Variants in TMEM135 observed in about 807,000 individuals in gnomAD.
TMEM135 encodes the protein peroxisomal membrane protein 52.
Under a neutral mutation model 60.3 loss-of-function variants are expected in TMEM135, and 30 were observed. The ratio of observed to expected loss-of-function variants is 0.50; its 90% confidence interval spans 0.37 to 0.68. The LOEUF is 0.68. TMEM135 is among the 30% of genes least tolerant of loss of function. The pLI is 0.00. For synonymous variants in TMEM135, 190 were observed against 186.7 expected, an observed-to-expected ratio of 1.02 and a Z score of -0.14; for missense variants, 468 against 548.8, an observed-to-expected ratio of 0.85 and a Z score of 1.47.
intron 5 of TMEM135, among the ~76,000 whole-genome samples, chr11:87,184,962 A>T (rs1440415724): frequency 6.6e-6 from 1 of 152,148 alleles, no homozygotes; most frequent in Non-Finnish European, 1.5e-5. Context: ...ATTTTAGAAA[A>T]TTTTAAACTT....
Position 87,067,703 on chromosome 11 carries a change from A to G in TMEM135, c.151A>G (p.Ile51Val), listed in dbSNP as rs1427235519. The G allele has an allele frequency of 1.2e-6, 2 of 1,613,738 alleles. No individual in the cohort carries two copies. The highest frequency in any genetic ancestry group is 2.2e-5 in the South Asian group (2 of 91,074). The change falls in exon 2 of 15, where the codon ATT becomes GTT. Residue 51 changes from isoleucine to valine, a missense_variant. By Grantham distance (29) the Ile-to-Val change is conservative. Coordinates refer to ENST00000305494, the MANE Select transcript of TMEM135 (RefSeq NM_022918.4). ...IYAPLYLIAA[I>V]LRKRKLDYYL... ...TCCTTTCTCTTTCCAGATTGCAGCA[A>G]TTCTCCGGAAACGGAAATTAGACTA...
chr11:87,203,032 CAAAAAAAAAAAAAAA>C (rs534909524), intron 5 of TMEM135, among the ~76,000 whole-genome samples: 1 of 33,568 alleles, frequency 3.0e-5, no homozygotes, highest in Non-Finnish European at 6.2e-5. Context: ...GACTCCGTCT[CAAAAAAAAAAAAAAA>C]AAAAAAAAAA....
At chr11:87,069,338 T>TA (rs1856731633) in intron 2 of TMEM135, among the ~76,000 whole-genome samples, 2 of 151,098 alleles carry the variant, frequency 1.3e-5, no homozygotes, top group Non-Finnish European at 3.0e-5. Context: ...ATTAGGTTTT[T>TA]AAAAAAATTG....
In TMEM135 at chr11:87,299,450, C is replaced by CA. The variant is rs1355628981; in HGVS notation, c.552-2845dup. On this transcript the variant is annotated intron_variant, in intron 7 of 14. Transcript: ENST00000305494. ...ACTGACCCCATGATCCAATCACCCC[C>CA]ACCAGGTCCCTCCCTCAACATGTGA... Among the ~76,000 whole-genome samples, 7 of 152,302 alleles carry CA rather than the reference C, an allele frequency of 4.6e-5. No individual in the cohort carries two copies. The South Asian group carries it at 8.3e-4, about 18-fold the overall frequency.
intron 1 of TMEM135, among the ~76,000 whole-genome samples, chr11:87,042,716 A>G (rs574207336): frequency 6.6e-6 from 1 of 152,248 alleles, no homozygotes; most frequent in African/African-American, 2.4e-5. Context: ...AAACATTATC[A>G]TGTGTGTTGT....
chr11:87,289,939 A>T (rs1261415243), intron 6 of TMEM135, among the ~76,000 whole-genome samples: 1 of 152,116 alleles, frequency 6.6e-6, no homozygotes, highest in Non-Finnish European at 1.5e-5. Context: ...CAGTCCATCC[A>T]TGTTGCTGCA....
chr11:87,255,250 G>A (rs1031170356), intron 6 of TMEM135, among the ~76,000 whole-genome samples: 9 of 152,148 alleles, frequency 5.9e-5, no homozygotes, highest in African/African-American at 1.9e-4. Context: ...AGAAACAAAT[G>A]TGTTGGCCCT....
At chr11:87,124,996 A>G (rs966380419) in intron 4 of TMEM135, among the ~76,000 whole-genome samples, 5 of 152,154 alleles carry the variant, frequency 3.3e-5, no homozygotes, top group Admixed American at 6.5e-5. Flanking sequence ...ATACTGAGTA[A>G]TTGCTCTGTG....
rs185267950 is a variant in TMEM135 at position 87,249,880 on chromosome 11, G to A, written c.509+13196G>A. 6.8e-4 allele frequency among the ~76,000 whole-genome samples: 104 copies of A among 152,180 alleles called. 1 individual carries two copies. The highest frequency in any genetic ancestry group is 6.8e-3 in the Admixed American group (104 of 15,282). ...CTTTATTTTTAGAATAGTTTGAGTA[G>A]GATTGGTATTAGTTCTTATAGTAAA... On this transcript the variant is annotated intron_variant, in intron 6 of 14. Coordinates refer to ENST00000305494, the MANE Select transcript of TMEM135 (RefSeq NM_022918.4).
intron 6 of TMEM135, among the ~76,000 whole-genome samples, chr11:87,286,324 G>C (rs1305217430): frequency 1.3e-5 from 2 of 151,970 alleles, no homozygotes; most frequent in South Asian, 2.1e-4. Context: ...AGATTAGCTA[G>C]CTACAGAGTG....
chr11:87,141,816 A>G (rs940543186), intron 4 of TMEM135, among the ~76,000 whole-genome samples: 2 of 152,114 alleles, frequency 1.3e-5, no homozygotes, highest in African/African-American at 4.8e-5. Flanking sequence ...TAAAAAAGTA[A>G]ACATTTAAAA....
In TMEM135 at chr11:87,327,697, T is replaced by C. The variant is rs1482305016; in HGVS notation, c.*6364T>C. The C allele has an allele frequency of 2.2e-6, 1 of 453,830 alleles. No individual in the cohort carries two copies. Among genetic ancestry groups the C allele is most frequent in the African/African-American group, 2.0e-5 (1 of 49,944 alleles). The allele number at this position is 453,830 out of a possible 1,614,324, so 28.1% of individuals were successfully genotyped here. On this transcript the variant is annotated 3_prime_UTR_variant, in exon 15 of 15. Coordinates refer to ENST00000305494, the MANE Select transcript of TMEM135 (RefSeq NM_022918.4). ...TGGCTCAGTACAAGTCCAAAAGCCTTGGAACCAGGGAAACTGATGGTGTAA... is the reference window on the plus strand; with the variant it reads ...TGGCTCAGTACAAGTCCAAAAGCCTCGGAACCAGGGAAACTGATGGTGTAA...
intron 5 of TMEM135, among the ~76,000 whole-genome samples, chr11:87,231,924 A>G (rs1940896939): frequency 6.6e-6 from 1 of 151,862 alleles, no homozygotes; most frequent in Middle Eastern, 3.4e-3. Flanking sequence ...AATAGAGACC[A>G]TCTAAAATGA....
At chr11:87,157,446 TA>T in intron 5 of TMEM135, 40 bp downstream of exon 5, 1 of 1,558,526 alleles carries the variant, frequency 6.4e-7, no homozygotes, top group Non-Finnish European at 8.8e-7. Flanking sequence ...GTTGTTAATT[TA>T]TAGTTTGCGA....
intron 1 of TMEM135, among the ~76,000 whole-genome samples, chr11:87,057,531 G>T (rs1048408135): frequency 6.6e-6 from 1 of 152,090 alleles, no homozygotes; most frequent in African/African-American, 2.4e-5. Context: ...GATTTATGAT[G>T]CGATTTCTTC....
At chr11:87,304,100 G>GCA (rs1276832025) in intron 8 of TMEM135, among the ~76,000 whole-genome samples, 1 of 152,204 alleles carries the variant, frequency 6.6e-6, no homozygotes. Context: ...GCCAGGCATG[G>GCA]TGGCTCACAC....
At chr11:87,208,413 A>G (rs1283540689) in intron 5 of TMEM135, among the ~76,000 whole-genome samples, 7 of 152,208 alleles carry the variant, frequency 4.6e-5, no homozygotes, top group Non-Finnish European at 8.8e-5. Context: ...CAGGAATTTC[A>G]AAATACAATT....
At chr11:87,120,814 G>A (rs904417631) in intron 4 of TMEM135, among the ~76,000 whole-genome samples, 1 of 152,066 alleles carries the variant, frequency 6.6e-6, no homozygotes, top group Non-Finnish European at 1.5e-5. Context: ...AAGCACTTCA[G>A]TGTATTGTGA....
intron 12 of TMEM135, among the ~76,000 whole-genome samples, chr11:87,316,642 G>T (rs1942735982): frequency 6.6e-6 from 1 of 152,012 alleles, no homozygotes; most frequent in Non-Finnish European, 1.5e-5. Context: ...GAATTGGCAA[G>T]ACTTGCTAAT....
Sources: allele counts gnomAD v4.1 joint callset (sites outside exome capture counted in the v4.1 genomes callset), GRCh38; gene constraint gnomAD v4.1.1; transcripts MANE v1.5; gene names NCBI Gene and HGNC (gene_info 2026-07-23, HGNC 2026-07-21).